RGS3: variants seen among roughly 807,000 people sequenced by gnomAD.
RGS3 encodes the protein regulator of G protein signaling 3.
A neutral mutation model predicts 132.6 loss-of-function variants in RGS3; 80 were observed. The ratio of observed to expected loss-of-function variants is 0.60; its 90% CI spans 0.50 to 0.73. RGS3 has a LOEUF of 0.73. RGS3 is among the 30% of genes least tolerant of loss of function. RGS3 has a pLI of 0.00. For synonymous variants in RGS3, 598 were observed against 620.6 expected, an observed-to-expected ratio of 0.96 and a Z score of 0.54; for missense variants, 1,382 against 1,530.8, an observed-to-expected ratio of 0.90 and a Z score of 1.62.
At chr9:113,541,470 T>C (rs1413090200) in intron 19 of RGS3, 2 of 1,603,196 alleles carry the variant, frequency 1.2e-6, no homozygotes, top group Non-Finnish European at 1.7e-6. Flanking sequence ...ACTTAACCCT[T>C]TCTTGGGCAT....
chr9:113,523,491 C>G (rs1297242916), intron 17 of RGS3, among the ~76,000 whole-genome samples: 1 of 152,106 alleles, frequency 6.6e-6, no homozygotes, highest in East Asian at 1.9e-4. Context: ...TAACAGGTGC[C>G]CAATAAATAC....
At position 113,494,041 on chromosome 9, in the gene RGS3, A is replaced by G. The variant is rs1222787098; in HGVS notation, c.690-1745A>G. Among the ~76,000 whole-genome samples the G allele has an allele frequency of 2.0e-5, 3 of 152,120 alleles. No homozygotes were observed. The East Asian group carries it at 5.8e-4, about 29-fold the overall frequency. ...TCCAGGGTTATGCTCCAGCCTAAATATCCACGATGTTTCTTGATTAATAGT... is the reference window on the plus strand; with the variant it reads ...TCCAGGGTTATGCTCCAGCCTAAATGTCCACGATGTTTCTTGATTAATAGT... On this transcript the variant is annotated intron_variant, in intron 7 of 24. Transcript: ENST00000350696.
chr9:113,497,302 C>G lies in RGS3; in HGVS notation c.751-12C>G, dbSNP rs376250181. On this transcript the variant is annotated splice_polypyrimidine_tract_variant and intron_variant, in intron 8 of 24. Transcript: ENST00000350696. ...CCTGTGTCTGAGCGTGCCATTCCTT[C>G]TCTCGTGACAGGAGATCAGTGGTTG... 61 of 1,607,260 alleles carry G rather than the reference C, an allele frequency of 3.8e-5. 1 individual carries two copies. In the Admixed American group the frequency reaches 5.2e-4, roughly 14 times the overall value.
At chr9:113,514,792 A>G (rs764968781) in intron 15 of RGS3, 138 bp downstream of exon 13, 15 of 765,084 alleles carry the variant, frequency 2.0e-5, no homozygotes, top group Non-Finnish European at 2.7e-5. Context: ...CTTTAGATGC[A>G]TAGGATTCTA....
At chr9:113,467,960 C>T (rs2119177140) in intron 3 of RGS3, among the ~76,000 whole-genome samples, 1 of 152,342 alleles carries the variant, frequency 6.6e-6, no homozygotes, top group East Asian at 1.9e-4. Context: ...CTCAGGGACT[C>T]AAGCGATCTC....
chr9:113,545,924 G>A (rs1203695114), intron 19 of RGS3, among the ~76,000 whole-genome samples: 2 of 152,210 alleles, frequency 1.3e-5, no homozygotes, highest in East Asian at 3.8e-4. Flanking sequence ...AGCTAGGATT[G>A]AAACTTGGAC....
intron 3 of RGS3, among the ~76,000 whole-genome samples, chr9:113,472,449 T>C (rs1829863521): frequency 1.3e-5 from 2 of 152,226 alleles, no homozygotes; most frequent in Non-Finnish European, 2.9e-5. Context: ...ACAAAGGGAC[T>C]AAAATACTGA....
chr9:113,528,958 G>A (rs976650786), intron 17 of RGS3, among the ~76,000 whole-genome samples: 1 of 152,224 alleles, frequency 6.6e-6, no homozygotes, highest in African/African-American at 2.4e-5. Flanking sequence ...GGGTGCTGCT[G>A]GCTACCTCTC....
chr9:113,457,559 G>A (rs1829390938), upstream of RGS3, among the ~76,000 whole-genome samples: 1 of 152,220 alleles, frequency 6.6e-6, no homozygotes, highest in Non-Finnish European at 1.5e-5. Context: ...AGCCACAGAA[G>A]TCTCAGTCCT....
chr9:113,497,937 G>A, intron 9 of RGS3, 88 bp from the exon 8 acceptor site: 3 of 1,402,462 alleles, frequency 2.1e-6, no homozygotes, highest in Non-Finnish European at 3.0e-6. Flanking sequence ...CCATGGGCCT[G>A]TTTCCCAGTG....
At chr9:113,554,572 G>A (rs1588242667) in intron 19 of RGS3, among the ~76,000 whole-genome samples, 1 of 152,340 alleles carries the variant, frequency 6.6e-6, no homozygotes, top group East Asian at 1.9e-4. Flanking sequence ...CTCCCAAAGT[G>A]CTGGGATTAC....
At chr9:113,464,176 T>C (rs1434359466) in intron 3 of RGS3, among the ~76,000 whole-genome samples, 1 of 152,250 alleles carries the variant, frequency 6.6e-6, no homozygotes, top group Admixed American at 6.5e-5. Context: ...ACCTGGGTTG[T>C]CACCACGGAG....
In RGS3 at chr9:113,537,429, C is replaced by T. The variant is rs905102062; in HGVS notation, c.2037+511C>T. Among the ~76,000 whole-genome samples, 9 of 152,052 alleles carry T rather than the reference C, an allele frequency of 5.9e-5. No homozygotes were observed. The highest frequency in any genetic ancestry group is 2.6e-4 in the Admixed American group (4 of 15,268). ...TCTGGGGACTGGCTGGCAGGAGCAC[C>T]GGGGAAGATTAGAGACTCCCAGGGG... On this transcript the variant is annotated intron_variant, in intron 19 of 24. Coordinates refer to ENST00000350696, the Ensembl canonical transcript of RGS3. This position sits in a 1 kb window ranked among gnomAD's most constrained non-coding sequence, Gnocchi z 4.3.
chr9:113,485,478 C>A, intron 6 of RGS3, 147 bp from the exon 5 acceptor site: 1 of 589,538 alleles, frequency 1.7e-6, no homozygotes, highest in Non-Finnish European at 3.1e-6. Context: ...TGGAGGTAGT[C>A]ATCTCTTACT....
At chr9:113,594,868 G>C (rs1477242626) in intron 22 of RGS3, 51 bp from the exon 21 acceptor site, 4 of 1,571,390 alleles carry the variant, frequency 2.5e-6, no homozygotes, top group Non-Finnish European at 3.5e-6. Flanking sequence ...CTTCCCCCAA[G>C]GTTCCCAAGC....
Position 113,461,705 on chromosome 9 carries a change from A to G in RGS3, c.81-2A>G. The G allele has an allele frequency of 6.2e-7, 1 of 1,612,742 alleles. No homozygotes were observed. The highest frequency in any genetic ancestry group is 8.5e-7 in the Non-Finnish European group (1 of 1,179,522). On this transcript the variant is annotated splice_acceptor_variant, in intron 1 of 24. Transcript: ENST00000350696. LOFTEE classifies it high-confidence loss of function. ...TGTGGGCCTCGGTCTTTTCTCTCCT[A>G]GGTCACATTCAGACAGCACACCTTT... is the stretch of plus-strand genomic sequence containing the variant.
intron 7 of RGS3, among the ~76,000 whole-genome samples, chr9:113,491,645 C>T (rs1329383722): frequency 6.6e-6 from 1 of 151,732 alleles, no homozygotes; most frequent in African/African-American, 2.4e-5. Context: ...ACCTCCACCT[C>T]CTGGATTCAA....
At chr9:113,533,061 C>T (rs1832538395) in intron 18 of RGS3, among the ~76,000 whole-genome samples, 1 of 152,100 alleles carries the variant, frequency 6.6e-6, no homozygotes, top group African/African-American at 2.4e-5. Context: ...TGTGGTTCTC[C>T]AAGGCTTTGA....
intron 7 of RGS3, among the ~76,000 whole-genome samples, chr9:113,493,861 C>T (rs2119266611): frequency 6.6e-6 from 1 of 152,238 alleles, no homozygotes; most frequent in South Asian, 2.1e-4. Flanking sequence ...ACTGCTCTAG[C>T]TCAGGCCCCC....
Sources: gnomAD v4.1 joint callset for allele counts (sites outside exome capture counted in the v4.1 genomes callset) on GRCh38, gnomAD v4.1.1 for gene constraint, Gnocchi (gnomAD v3.1) non-coding constraint, MANE v1.5 for transcripts, NCBI Gene and HGNC (gene_info 2026-07-23, HGNC 2026-07-21) for gene names.